KLHL1: variants seen among roughly 807,000 people sequenced by gnomAD.
The protein encoded by KLHL1 is kelch like family member 1.
In KLHL1, 47 loss-of-function variants were observed where a neutral mutation model predicts 77.7. That is an observed-to-expected ratio of 0.60 (90% CI 0.48 to 0.77). KLHL1 has a LOEUF of 0.77. Among genes scored for constraint, KLHL1 ranks in the 30% least tolerant of loss-of-function variants. The probability of loss-of-function intolerance (pLI) is 0.00; values close to 1 mark genes in which losing one functional copy is unlikely to be tolerated. For missense variants in KLHL1, 925 were observed against 910.8 expected (o/e 1.02, Z -0.20); for synonymous variants, 360 against 325.2 (o/e 1.11, Z -1.15).
At chr13:69,840,429 G>A (rs1275548398) in intron 5 of KLHL1, among the ~76,000 whole-genome samples, 11 of 151,684 alleles carry the variant, frequency 7.3e-5, no homozygotes, top group Admixed American at 2.0e-4. Flanking sequence ...TCACCATGTC[G>A]GCCAGGCTAG....
chr13:69,728,851 T>C (rs1032901286), intron 8 of KLHL1, among the ~76,000 whole-genome samples: 1 of 151,878 alleles, frequency 6.6e-6, no homozygotes, highest in African/African-American at 2.4e-5. Context: ...AATGAATGAA[T>C]GAATCCATTT....
Position 70,039,679 on chromosome 13 carries a change from G to A in KLHL1, c.498-63877C>T, listed in dbSNP as rs186938384. 4.0e-3 allele frequency among the ~76,000 whole-genome samples: 484 copies of A among 122,434 alleles called. 4 individuals carry two copies. Among genetic ancestry groups the A allele is most frequent in the Middle Eastern group, 0.011 (2 of 182 alleles). 80.3% of individuals were successfully genotyped at this position (122,434 alleles called of 152,430 possible). The stretch of plus-strand genomic sequence containing the variant: ...TTTTGAGACAGAGTTTTACTTTGTC[G>A]CCCAGGCTAGAGAATAGTGGTGCCA... On this transcript the variant is annotated intron_variant, in intron 1 of 10. Coordinates refer to ENST00000377844, the MANE Select transcript of KLHL1 (RefSeq NM_020866.3).
At chr13:70,043,248 AT>A (rs535392638) in intron 1 of KLHL1, among the ~76,000 whole-genome samples, 125 of 152,220 alleles carry the variant, frequency 8.2e-4, no homozygotes, top group Non-Finnish European at 1.4e-3. Context: ...CTAAAAAAAA[AT>A]AAAAATAAAA....
At chr13:70,023,778 A>G (rs1885862323) in intron 1 of KLHL1, among the ~76,000 whole-genome samples, 1 of 151,860 alleles carries the variant, frequency 6.6e-6, no homozygotes, top group Admixed American at 6.6e-5. Context: ...TTGTTTGTAT[A>G]TCCTTTATAT....
chr13:69,804,898 A>T (rs1255868662), intron 6 of KLHL1, among the ~76,000 whole-genome samples: 1 of 152,086 alleles, frequency 6.6e-6, no homozygotes, highest in Non-Finnish European at 1.5e-5. Flanking sequence ...AAATCAAAAA[A>T]TTTTTTATGA....
At chr13:69,844,612 G>A (rs1236227601) in intron 5 of KLHL1, among the ~76,000 whole-genome samples, 1 of 151,486 alleles carries the variant, frequency 6.6e-6, no homozygotes, top group African/African-American at 2.4e-5. Flanking sequence ...AGTTTGGGTA[G>A]GACAGAAATA....
At chr13:69,719,217 A>AGC (rs1555300517) in intron 9 of KLHL1, 152 bp downstream of exon 9, 3,902 of 344,618 alleles carry the variant, frequency 0.011, 100 homozygotes, top group African/African-American at 0.077. Flanking sequence ...TGTGAGAGAG[A>AGC]GAGAGAGAGA....
At chr13:69,782,482 C>T (rs572289711) in intron 7 of KLHL1, among the ~76,000 whole-genome samples, 132 of 152,304 alleles carry the variant, frequency 8.7e-4, no homozygotes, top group East Asian at 3.1e-3. Context: ...GCTTTTCCAA[C>T]GGGCTTAAAA....
intron 1 of KLHL1, among the ~76,000 whole-genome samples, chr13:70,007,969 A>G (rs1330059251): frequency 6.6e-6 from 1 of 152,032 alleles, no homozygotes; most frequent in Non-Finnish European, 1.5e-5. Flanking sequence ...TACATATAAG[A>G]TTATAAAGTT....
intron 7 of KLHL1, among the ~76,000 whole-genome samples, chr13:69,787,067 G>C (rs1876591857): frequency 6.6e-6 from 1 of 152,118 alleles, no homozygotes; most frequent in Non-Finnish European, 1.5e-5. Flanking sequence ...TCAATATCGT[G>C]AAAATGGCCA....
intron 5 of KLHL1, among the ~76,000 whole-genome samples, chr13:69,864,107 A>C (rs1229208762): frequency 6.6e-6 from 1 of 152,008 alleles, no homozygotes; most frequent in Non-Finnish European, 1.5e-5. Flanking sequence ...TTCTGAAAGA[A>C]TATCATTTTT....
intron 3 of KLHL1, among the ~76,000 whole-genome samples, chr13:69,956,469 C>G (rs867608157): frequency 2.6e-5 from 4 of 151,274 alleles, no homozygotes; most frequent in African/African-American, 9.7e-5. Context: ...AACTATGAAC[C>G]AAACCTGCAC....
intron 6 of KLHL1, among the ~76,000 whole-genome samples, chr13:69,825,055 G>T (rs1334095536): frequency 6.6e-6 from 1 of 152,082 alleles, no homozygotes; most frequent in Admixed American, 6.6e-5. Flanking sequence ...ATGTGATAAA[G>T]CCATGTTGCA....
At chr13:69,787,113 C>A (rs553355960) in intron 7 of KLHL1, among the ~76,000 whole-genome samples, 211 of 152,210 alleles carry the variant, frequency 1.4e-3, no homozygotes, top group Non-Finnish European at 2.4e-3. Context: ...CAATGCCATC[C>A]CCATCAAGCT....
intron 1 of KLHL1, among the ~76,000 whole-genome samples, chr13:70,069,848 G>C (rs2137416242): frequency 6.6e-6 from 1 of 152,152 alleles, no homozygotes; most frequent in South Asian, 2.1e-4. Flanking sequence ...TATGTATAAT[G>C]GAAAAACAAG....
At chr13:69,888,702 C>T (rs1881310745) in intron 4 of KLHL1, among the ~76,000 whole-genome samples, 1 of 152,082 alleles carries the variant, frequency 6.6e-6, no homozygotes, top group African/African-American at 2.4e-5. Context: ...AATTTCCGGT[C>T]ATTAGAACTG....
intron 6 of KLHL1, among the ~76,000 whole-genome samples, chr13:69,823,216 G>A (rs1214574521): frequency 6.6e-6 from 1 of 152,116 alleles, no homozygotes; most frequent in Admixed American, 6.6e-5. Flanking sequence ...ATGCAACCCT[G>A]TGCTCTTGCA....
At position 69,951,352 on chromosome 13, in the gene KLHL1, GAA is replaced by G. The variant is rs553950603; in HGVS notation, c.817+9954_817+9955del. 4.3e-3 allele frequency among the ~76,000 whole-genome samples: 651 copies of G among 151,490 alleles called. 4 individuals carry two copies. Among genetic ancestry groups the G allele is most frequent in the African/African-American group, 0.015 (617 of 41,432 alleles). On this transcript the variant is annotated intron_variant, in intron 3 of 10. Transcript: ENST00000377844. The stretch of plus-strand genomic sequence containing the variant: ...TATATTCTACATCATCAGGAAACTA[GAA>G]GGGAGATAGAAAGTGGTAAGTATAA...
chr13:69,884,290 A>G (rs1881111924), intron 4 of KLHL1, among the ~76,000 whole-genome samples: 1 of 152,120 alleles, frequency 6.6e-6, no homozygotes, highest in South Asian at 2.1e-4. Context: ...AGAATAACTG[A>G]AAGTAGTTAT....
Sources: gnomAD v4.1 joint callset for allele counts (sites outside exome capture counted in the v4.1 genomes callset) on GRCh38, gnomAD v4.1.1 for gene constraint, MANE v1.5 for transcripts, NCBI Gene and HGNC (gene_info 2026-07-23, HGNC 2026-07-21) for gene names.